The following FGF14 variants were observed in gnomAD, a reference collection of about 807,000 sequenced individuals.
FGF14 encodes fibroblast growth factor homologous factor 4.
A neutral mutation model predicts 25.5 loss-of-function variants in FGF14; 5 were observed. That is an observed-to-expected ratio of 0.20 (90% CI 0.10 to 0.41). FGF14 has a LOEUF of 0.41. FGF14 is among the 10% of genes least tolerant of loss of function. The pLI, the probability that FGF14 is intolerant of heterozygous loss-of-function variation, is 1.00. For synonymous variants in FGF14, 138 were observed against 118.3 expected (o/e 1.17, Z -1.08); for missense variants, 222 against 320.1 (o/e 0.69, Z 2.34).
intron 1 of FGF14, among the ~76,000 whole-genome samples, chr13:101,982,623 A>G (rs2139620358): frequency 6.6e-6 from 1 of 152,352 alleles, no homozygotes; most frequent in Middle Eastern, 3.4e-3. Flanking sequence ...CATTTTAAAT[A>G]TTAGGTAGCT....
intron 1 of FGF14, among the ~76,000 whole-genome samples, chr13:102,390,055 C>G (rs760738156): frequency 8.3e-4 from 127 of 152,132 alleles, no homozygotes; most frequent in Non-Finnish European, 1.9e-4. Context: ...AATGTCATAT[C>G]CCGGAAACAA....
chr13:101,891,260 G>A (rs1168665130), intron 1 of FGF14, among the ~76,000 whole-genome samples: 1 of 151,956 alleles, frequency 6.6e-6, no homozygotes, highest in Non-Finnish European at 1.5e-5. Context: ...CAAATGCCTG[G>A]GCCCTCACAT....
At chr13:102,375,782 T>C (rs2058026378) in intron 1 of FGF14, among the ~76,000 whole-genome samples, 1 of 152,170 alleles carries the variant, frequency 6.6e-6, no homozygotes, top group African/African-American at 2.4e-5. Context: ...ATCTGCCTTG[T>C]TTGTTTTTCC....
intron 1 of FGF14, among the ~76,000 whole-genome samples, chr13:102,239,086 A>C (rs1041958896): frequency 1.3e-5 from 2 of 151,166 alleles, no homozygotes; most frequent in South Asian, 4.2e-4. Context: ...TTAAAAAAAA[A>C]CAAAAAACAA....
chr13:102,306,428 A>C (rs536921560), intron 1 of FGF14, among the ~76,000 whole-genome samples: 18 of 152,084 alleles, frequency 1.2e-4, no homozygotes, highest in Non-Finnish European at 5.9e-5. Flanking sequence ...GGGGAAGACA[A>C]AGAGAAGAAT....
At chr13:102,217,889 TG>T (rs2050442997) in intron 1 of FGF14, among the ~76,000 whole-genome samples, 1 of 152,166 alleles carries the variant, frequency 6.6e-6, no homozygotes, top group African/African-American at 2.4e-5. Flanking sequence ...GGAACACTGG[TG>T]GCTGGGTTCA....
intron 1 of FGF14, among the ~76,000 whole-genome samples, chr13:102,330,493 A>T (rs144515833): frequency 1.7e-3 from 263 of 152,284 alleles, no homozygotes; most frequent in African/African-American, 6.0e-3. Context: ...TTACAAAATT[A>T]AAAAAATCCC....
intron 1 of FGF14, among the ~76,000 whole-genome samples, chr13:102,001,779 T>A (rs9518610): frequency 0.13 from 20,391 of 152,114 alleles, 1,471 homozygotes; most frequent in Non-Finnish European, 0.17. Context: ...ACCAATGGAT[T>A]TGTCAACAGA....
At chr13:101,926,411 C>T (rs1018641677) in intron 1 of FGF14, among the ~76,000 whole-genome samples, 1 of 152,170 alleles carries the variant, frequency 6.6e-6, no homozygotes, top group Non-Finnish European at 1.5e-5. Flanking sequence ...TACTCCCCTG[C>T]TCAGTGTTAC....
chr13:101,996,047 T>G (rs1349945259), intron 1 of FGF14, among the ~76,000 whole-genome samples: 2 of 152,188 alleles, frequency 1.3e-5, no homozygotes, highest in African/African-American at 4.8e-5. Flanking sequence ...CTTGAGGGGA[T>G]GGACACCCCA....
At chr13:101,761,133 T>C (rs1202612145) in intron 3 of FGF14, among the ~76,000 whole-genome samples, 2 of 152,220 alleles carry the variant, frequency 1.3e-5, no homozygotes, top group Non-Finnish European at 2.9e-5. Flanking sequence ...ATTAGAGACA[T>C]TTGTCATAGT....
Position 101,729,422 on chromosome 13 carries a change from G to T in FGF14, c.409-2612C>A, listed in dbSNP as rs573771209. ...GGTTAGTTGCTATTTGATGTCATAAGTGATATACTTTCAACACGTAAATGG... is the reference window on the plus strand; with the variant it reads ...GGTTAGTTGCTATTTGATGTCATAATTGATATACTTTCAACACGTAAATGG... On this transcript the variant is annotated intron_variant, in intron 3 of 4. Transcript: ENST00000376143. Among the ~76,000 whole-genome samples the T allele has an allele frequency of 4.6e-5, 7 of 152,244 alleles. No individual in the cohort carries two copies. The South Asian group carries it at 1.5e-3, about 32-fold the overall frequency.
intron 1 of FGF14, among the ~76,000 whole-genome samples, chr13:102,311,381 T>C (rs1248175288): frequency 6.6e-6 from 1 of 152,182 alleles, no homozygotes; most frequent in African/African-American, 2.4e-5. Flanking sequence ...CTCTTTAAAG[T>C]AAAACTAAGT....
intron 1 of FGF14, among the ~76,000 whole-genome samples, chr13:102,109,471 T>C (rs2045105508): frequency 6.6e-6 from 1 of 152,324 alleles, no homozygotes; most frequent in African/African-American, 2.4e-5. Context: ...TAGTTTGATT[T>C]TGCCATTCTA....
intron 1 of FGF14, among the ~76,000 whole-genome samples, chr13:102,305,605 C>G (rs7139861): frequency 6.6e-6 from 1 of 152,064 alleles, no homozygotes; most frequent in Non-Finnish European, 1.5e-5. Flanking sequence ...TATATAAATA[C>G]AAGTTTGCTA....
intron 3 of FGF14, among the ~76,000 whole-genome samples, chr13:101,858,998 G>C (rs1022625807): frequency 6.6e-6 from 1 of 152,052 alleles, no homozygotes; most frequent in Non-Finnish European, 1.5e-5. Flanking sequence ...TTGAACATCT[G>C]CCTCTGTGTC....
chr13:101,949,694 TAGTAA>T (rs2139379643), intron 1 of FGF14, among the ~76,000 whole-genome samples: 1 of 152,302 alleles, frequency 6.6e-6, no homozygotes, highest in Non-Finnish European at 1.5e-5. Flanking sequence ...AAAGAAGAGT[TAGTAA>T]AATATTTCAA....
chr13:102,115,937 C>T (rs2045449176), intron 1 of FGF14, among the ~76,000 whole-genome samples: 1 of 151,996 alleles, frequency 6.6e-6, no homozygotes, highest in African/African-American at 2.4e-5. Flanking sequence ...ATGGAGAAAC[C>T]CCATCTCTAC....
At chr13:102,001,325 A>C (rs1008167027) in intron 1 of FGF14, among the ~76,000 whole-genome samples, 1 of 152,196 alleles carries the variant, frequency 6.6e-6, no homozygotes, top group Non-Finnish European at 1.5e-5. Flanking sequence ...AGGAGGGATA[A>C]AATCCAGGAA....
Sources: allele counts gnomAD v4.1 joint callset (sites outside exome capture counted in the v4.1 genomes callset), GRCh38; gene constraint gnomAD v4.1.1; transcripts MANE v1.5; gene names NCBI Gene and HGNC (gene_info 2026-07-23, HGNC 2026-07-21).